Variants in USP43 observed in about 807,000 individuals in gnomAD.
USP43 encodes the protein ubiquitin specific peptidase 43.
In USP43, 33 loss-of-function variants were observed where a neutral mutation model predicts 90.7. That is an observed-to-expected ratio of 0.36 (90% confidence interval 0.28 to 0.49). The LOEUF is 0.49. USP43 is among the 20% of genes least tolerant of loss of function. The pLI is 0.98. For synonymous variants in USP43, 598 were observed against 615.8 expected, an observed-to-expected ratio of 0.97 and a Z score of 0.43; for missense variants, 1,274 against 1,476.4, an observed-to-expected ratio of 0.86 and a Z score of 2.25.
intron 8 of USP43, among the ~76,000 whole-genome samples, chr17:9,691,904 G>A (rs1395926552): frequency 1.3e-5 from 2 of 151,938 alleles, no homozygotes; most frequent in African/African-American, 2.4e-5. Context: ...TTAGCCGGGT[G>A]TGGTGGCGGG....
Position 9,728,804 on chromosome 17 carries a change from T to C in USP43, c.3186T>C (p.Asp1062=). The C allele has an allele frequency of 1.9e-6, 3 of 1,612,550 alleles. No homozygotes were observed. The highest frequency in any genetic ancestry group is 2.2e-5 in the East Asian group (1 of 44,824). Residue 1062 remains aspartate, a synonymous_variant, in exon 15 of 15, where the codon GAT becomes GAC. Transcript: ENST00000285199. This position sits in a 1 kb window ranked among gnomAD's most constrained non-coding sequence, Gnocchi z 6.2. ...GCCTGGGCAGCCGGCTCGAGAGGGA[T>C]GTCTGGTCAGCCCCCAGCTCTCTCC... ...ARGLGSRLER[D]VWSAPSSLRL...
chr17:9,706,180 A>G (rs778880982), intron 12 of USP43, among the ~76,000 whole-genome samples: 2 of 152,172 alleles, frequency 1.3e-5, no homozygotes, highest in Non-Finnish European at 2.9e-5. Context: ...CTGTTTTTCA[A>G]ATGAATTATT....
chr17:9,668,033 C>T (rs1345548411), intron 3 of USP43, among the ~76,000 whole-genome samples: 1 of 152,170 alleles, frequency 6.6e-6, no homozygotes, highest in African/African-American at 2.4e-5. Flanking sequence ...TTCTGTTTTT[C>T]CAGCTAACCT....
At chr17:9,652,097 A>G (rs905159426) in intron 1 of USP43, among the ~76,000 whole-genome samples, 1 of 151,864 alleles carries the variant, frequency 6.6e-6, no homozygotes, top group African/African-American at 2.4e-5. Context: ...AAATAACCAA[A>G]TCTAGGGCTG....
At chr17:9,677,636 G>C (rs1227369738) in intron 5 of USP43, among the ~76,000 whole-genome samples, 1 of 152,208 alleles carries the variant, frequency 6.6e-6, no homozygotes, top group Non-Finnish European at 1.5e-5. Flanking sequence ...GCGGCCCTCA[G>C]GGTGATTCAG....
intron 3 of USP43, among the ~76,000 whole-genome samples, chr17:9,668,162 G>A (rs138841766): frequency 6.2e-4 from 95 of 152,188 alleles, no homozygotes; most frequent in East Asian, 2.7e-3. Context: ...AAATCATTTC[G>A]AAGCCATGCT....
intron 5 of USP43, among the ~76,000 whole-genome samples, chr17:9,679,544 A>C (rs896052509): frequency 7.0e-5 from 7 of 100,124 alleles, no homozygotes; most frequent in Non-Finnish European, 9.7e-5. Flanking sequence ...TTTTTTTTTA[A>C]TGACGGAGTC....
At chr17:9,684,723 A>G (rs1914498046) in intron 7 of USP43, among the ~76,000 whole-genome samples, 1 of 144,024 alleles carries the variant, frequency 6.9e-6, no homozygotes, top group South Asian at 2.2e-4. Context: ...AGATTGTGCC[A>G]CTGCACTCCA....
chr17:9,677,627 C>A (rs765434953), intron 5 of USP43, among the ~76,000 whole-genome samples: 62 of 152,278 alleles, frequency 4.1e-4, no homozygotes, highest in Non-Finnish European at 8.2e-4. Flanking sequence ...AGGATGGGAG[C>A]GGCCCTCAGG....
chr17:9,722,563 A>T (rs919723300), intron 14 of USP43, among the ~76,000 whole-genome samples: 10 of 151,946 alleles, frequency 6.6e-5, no homozygotes, highest in African/African-American at 2.4e-4. Flanking sequence ...TTCCTGGTTC[A>T]TTGGGAAGTT....
intron 14 of USP43, among the ~76,000 whole-genome samples, chr17:9,712,742 T>C (rs1234556270): frequency 1.3e-5 from 2 of 152,146 alleles, no homozygotes; most frequent in Admixed American, 1.3e-4. Context: ...GTATAAAGTT[T>C]GGACTCTATT....
At chr17:9,699,921 C>G (rs923129502) in intron 9 of USP43, among the ~76,000 whole-genome samples, 1 of 152,120 alleles carries the variant, frequency 6.6e-6, no homozygotes, top group African/African-American at 2.4e-5. Flanking sequence ...TCAAAGTAAC[C>G]CCAAATCTAC....
At chr17:9,688,753 A>T (rs1195976324) in intron 8 of USP43, among the ~76,000 whole-genome samples, 6 of 151,762 alleles carry the variant, frequency 4.0e-5, no homozygotes, top group African/African-American at 1.5e-4. Flanking sequence ...GTGGTGCGGT[A>T]ATGGCTCACT....
intron 5 of USP43, among the ~76,000 whole-genome samples, chr17:9,679,516 C>CTTTT (rs544977324): frequency 4.9e-5 from 4 of 82,310 alleles, no homozygotes; most frequent in African/African-American, 1.1e-4. Flanking sequence ...TGAAATGCAT[C>CTTTT]TTTTTTTTTT....
At position 9,701,618 on chromosome 17, in the gene USP43, C is replaced by T. The variant is rs934828509; in HGVS notation, c.1929C>T (p.Pro643=). The change falls in exon 12 of 15, where the codon CCC becomes CCT. Residue 643 remains proline, a synonymous_variant. Transcript: ENST00000285199. This position sits in a 1 kb window ranked among gnomAD's most constrained non-coding sequence, Gnocchi z 7.2. ...WPSWKQPDCL[P]TSYPLDFLYD... Reference sequence around the variant, plus strand: ...CCTGGAAGCAGCCGGACTGCCTGCCCACCAGTTACCCGCTGGACTTCCTGT... The same window carrying T: ...CCTGGAAGCAGCCGGACTGCCTGCCTACCAGTTACCCGCTGGACTTCCTGT... 2.1e-5 allele frequency: 33 copies of T among 1,587,502 alleles called. No homozygotes were observed. The highest frequency in any genetic ancestry group is 2.7e-5 in the African/African-American group (2 of 74,398).
At chr17:9,670,966 C>T (rs1382018409) in intron 3 of USP43, among the ~76,000 whole-genome samples, 1 of 152,048 alleles carries the variant, frequency 6.6e-6, no homozygotes, top group Admixed American at 6.6e-5. Flanking sequence ...TCCTGCTGTC[C>T]CTGACTCTCT....
chr17:9,727,937 C>T lies in USP43; in HGVS notation c.2336-17C>T, dbSNP rs1311395463. 6.3e-7 allele frequency: 1 copy of T among 1,585,716 alleles called. No individual in the cohort carries two copies. Among genetic ancestry groups the T allele is most frequent in the Non-Finnish European group, 8.6e-7 (1 of 1,163,592 alleles). On this transcript the variant is annotated splice_polypyrimidine_tract_variant and intron_variant, in intron 14 of 14. Transcript: ENST00000285199. ...GTAGGGTGGCTTGTACACTGACAGT[C>T]TCTCTGTCTCTTTCAGGAGGGTTGG...
chr17:9,703,132 C>T (rs542132028), intron 12 of USP43, among the ~76,000 whole-genome samples: 1 of 152,252 alleles, frequency 6.6e-6, no homozygotes, highest in African/African-American at 2.4e-5. Flanking sequence ...CAGCAGGAAT[C>T]CCTTGAGGCC....
In USP43 at chr17:9,728,818, C is replaced by A; in HGVS notation, c.3200C>A (p.Pro1067His). Residue 1067 changes from proline (P) to histidine (H), a missense_variant, in exon 15 of 15, where the codon CCC becomes CAC. Physicochemically the swap from Pro to His is moderately conservative, Grantham distance 77. Around this residue, in one of 6 missense-constraint regions of USP43, gnomAD observed 353 missense variants for 329.7 expected, o/e 1.07. Coordinates refer to ENST00000285199, the MANE Select transcript of USP43 (RefSeq NM_153210.5). This position sits in a 1 kb window ranked among gnomAD's most constrained non-coding sequence, Gnocchi z 6.2. The stretch of plus-strand genomic sequence containing the variant: ...CTCGAGAGGGATGTCTGGTCAGCCC[C>A]CAGCTCTCTCCGCCTCCCTCGTAAA... ...SRLERDVWSA[P>H]SSLRLPRKAS... 1 of 1,613,574 alleles carries A rather than the reference C, an allele frequency of 6.2e-7. No homozygotes were observed. Among genetic ancestry groups the A allele is most frequent in the Non-Finnish European group, 8.5e-7 (1 of 1,179,732 alleles).
Sources: allele counts gnomAD v4.1 joint callset (sites outside exome capture counted in the v4.1 genomes callset), GRCh38; gene constraint gnomAD v4.1.1; regional missense constraint gnomAD v4.1.1; non-coding constraint Gnocchi (gnomAD v3.1); transcripts MANE v1.5; gene names NCBI Gene and HGNC (gene_info 2026-07-23, HGNC 2026-07-21).